The following DPP6 variants were observed in gnomAD, a reference collection of about 807,000 sequenced individuals.
DPP6 encodes dipeptidyl peptidase like 6.
Under a neutral mutation model 122.6 loss-of-function variants are expected in DPP6, and 69 were observed. The observed-to-expected ratio is 0.56, with a 90% confidence interval of 0.46 to 0.69. The LOEUF (loss-of-function observed/expected upper bound fraction) is 0.69, where lower values mean the gene tolerates loss of function less well. Ranked by LOEUF, DPP6 falls within the 30% of genes least tolerant of loss-of-function variation. The pLI, the probability that DPP6 is intolerant of heterozygous loss-of-function variation, is 0.00. For missense variants in DPP6, 928 were observed against 1,116.9 expected, an observed-to-expected ratio of 0.83 and a Z score of 2.41; for synonymous variants, 418 against 433.1, an observed-to-expected ratio of 0.97 and a Z score of 0.43.
intron 1 of DPP6, among the ~76,000 whole-genome samples, chr7:154,209,283 T>A (rs1339614157): frequency 6.6e-6 from 1 of 152,214 alleles, no homozygotes; most frequent in East Asian, 1.9e-4. Context: ...ATATTTATCC[T>A]CCTTCTCTTT....
chr7:153,757,133 A>C, the DPP6 span, among the ~76,000 whole-genome samples: 1 of 152,192 alleles, frequency 6.6e-6, no homozygotes, highest in African/African-American at 2.4e-5. Context: ...GAGATGGAGG[A>C]AGTTATGTAA....
chr7:154,779,107 C>CAT (rs1563201407), intron 10 of DPP6, among the ~76,000 whole-genome samples: 2 of 72,210 alleles, frequency 2.8e-5, no homozygotes, highest in Non-Finnish European at 3.0e-5. Flanking sequence ...CCACCACCAC[C>CAT]CCCACCATCA....
At chr7:154,593,059 C>T (rs1412350560) in intron 5 of DPP6, among the ~76,000 whole-genome samples, 1 of 152,164 alleles carries the variant, frequency 6.6e-6, no homozygotes, top group Admixed American at 6.5e-5. Context: ...TGGGAAGGAA[C>T]ACAGGCCATC....
chr7:154,488,431 TGATAGAGC>T (rs1385577150), intron 3 of DPP6, among the ~76,000 whole-genome samples: 1 of 151,482 alleles, frequency 6.6e-6, no homozygotes, highest in African/African-American at 2.4e-5. Flanking sequence ...CCTGGGTGAT[TGATAGAGC>T]GAGACTCTGT....
chr7:154,545,378 C>A (rs1178172605), intron 4 of DPP6, among the ~76,000 whole-genome samples: 1 of 151,926 alleles, frequency 6.6e-6, no homozygotes, highest in Non-Finnish European at 1.5e-5. Context: ...TTCCTAAAGT[C>A]CTCATGAATT....
chr7:154,855,587 A>AC (rs1484475589), intron 17 of DPP6, among the ~76,000 whole-genome samples: 1 of 151,856 alleles, frequency 6.6e-6, no homozygotes, highest in Admixed American at 6.6e-5. Flanking sequence ...TGGGTCTCTC[A>AC]CCTCCCCACT....
chr7:154,593,497 T>G (rs1832920721), intron 5 of DPP6, among the ~76,000 whole-genome samples: 1 of 152,242 alleles, frequency 6.6e-6, no homozygotes, highest in African/African-American at 2.4e-5. Flanking sequence ...GATGTTGGAC[T>G]ATTGATTATC....
chr7:154,610,059 G>A (rs1034216527), intron 5 of DPP6, among the ~76,000 whole-genome samples: 23 of 152,060 alleles, frequency 1.5e-4, no homozygotes, highest in African/African-American at 5.6e-4. Flanking sequence ...TGTTGTATGC[G>A]GTGTGTTAGA....
rs73165063 is a variant in DPP6 at position 154,652,290 on chromosome 7, C to A, written c.680+14417C>A. Among the ~76,000 whole-genome samples the A allele has an allele frequency of 1.2e-3, 176 of 151,750 alleles. 1 individual carries two copies. Among genetic ancestry groups the A allele is most frequent in the Admixed American group, 2.3e-3 (35 of 15,238 alleles). On this transcript the variant is annotated intron_variant, in intron 6 of 25. Coordinates refer to ENST00000377770, the MANE Select transcript of DPP6 (RefSeq NM_130797.4). ...TTTTTTTTTTCCTATACTGTACATT[C>A]TTTTGTGCTTTCTAATTTATTACTT...
At chr7:154,383,130 A>G (rs1001865041) in intron 1 of DPP6, among the ~76,000 whole-genome samples, 3 of 152,226 alleles carry the variant, frequency 2.0e-5, no homozygotes, top group African/African-American at 4.8e-5. Context: ...AAGGTGGAAC[A>G]TAATTCACAG....
At chr7:153,911,389 A>C (rs1186544224) in intron 1 of DPP6, among the ~76,000 whole-genome samples, 1 of 152,168 alleles carries the variant, frequency 6.6e-6, no homozygotes, top group Non-Finnish European at 1.5e-5. Context: ...ATTGGTTGGC[A>C]TGACTATTAT....
At chr7:154,015,192 G>C (rs1390793707) in intron 1 of DPP6, among the ~76,000 whole-genome samples, 2 of 151,922 alleles carry the variant, frequency 1.3e-5, no homozygotes, top group Non-Finnish European at 1.5e-5. Flanking sequence ...TTTCAGCCAC[G>C]TTTGATGTAG....
At chr7:153,932,922 G>A (rs997444896) in intron 1 of DPP6, among the ~76,000 whole-genome samples, 1 of 152,098 alleles carries the variant, frequency 6.6e-6, no homozygotes, top group Non-Finnish European at 1.5e-5. Flanking sequence ...TGAATCCTGG[G>A]GGCAGATTTT....
chr7:153,907,185 A>G lies in DPP6; in HGVS notation c.51+19451A>G, dbSNP rs558671549. On this transcript the variant is annotated intron_variant, in intron 1 of 25. Coordinates refer to the DPP6 transcript ENST00000404039. Reference sequence around the variant, plus strand: ...CATCTGTTGTTTTTTTGACTTTCAAATAATGGCTTTCTGAGTGCTGTAAGA... The same window carrying G: ...CATCTGTTGTTTTTTTGACTTTCAAGTAATGGCTTTCTGAGTGCTGTAAGA... 3.9e-5 allele frequency among the ~76,000 whole-genome samples: 6 copies of G among 152,314 alleles called. No homozygotes were observed. In the East Asian group the frequency reaches 1.2e-3, roughly 29 times the overall value.
chr7:154,593,481 C>T (rs1036806540), intron 5 of DPP6, among the ~76,000 whole-genome samples: 2 of 152,208 alleles, frequency 1.3e-5, no homozygotes, highest in Non-Finnish European at 2.9e-5. Context: ...GAATTGGCCT[C>T]ACTTGGATGT....
chr7:154,463,487 G>A (rs917538914), intron 2 of DPP6, among the ~76,000 whole-genome samples: 41 of 152,040 alleles, frequency 2.7e-4, no homozygotes, highest in Admixed American at 1.1e-3. Flanking sequence ...GATTACAGGC[G>A]TGAGCCACCG....
intron 1 of DPP6, among the ~76,000 whole-genome samples, chr7:154,429,316 C>A (rs759828732): frequency 1.3e-5 from 2 of 152,232 alleles, no homozygotes; most frequent in Non-Finnish European, 2.9e-5. Flanking sequence ...GCTCCTCTGA[C>A]CACCTAGCTT....
rs560285403 is a variant in DPP6 at position 154,010,559 on chromosome 7, A to G, written c.51+122825A>G. 6.6e-4 allele frequency among the ~76,000 whole-genome samples: 100 copies of G among 152,364 alleles called. 1 individual carries two copies. Among genetic ancestry groups the G allele is most frequent in the Middle Eastern group, 3.4e-3 (1 of 294 alleles). On this transcript the variant is annotated intron_variant, in intron 1 of 25. Transcript: ENST00000404039. ...GTCAATATTTTGTTTTAAACTACAAAATAAAACACAGGATTAGGTTTTGTT... is the reference window on the plus strand; with the variant it reads ...GTCAATATTTTGTTTTAAACTACAAGATAAAACACAGGATTAGGTTTTGTT...
chr7:154,014,655 CTG>C (rs1453271964), intron 1 of DPP6, among the ~76,000 whole-genome samples: 1 of 151,450 alleles, frequency 6.6e-6, no homozygotes, highest in Admixed American at 6.6e-5. Flanking sequence ...GAGTGAGACT[CTG>C]TGTCAAAAAA....
Sources: allele counts gnomAD v4.1 joint callset (sites outside exome capture counted in the v4.1 genomes callset), GRCh38; gene constraint gnomAD v4.1.1; transcripts MANE v1.5; gene names NCBI Gene and HGNC (gene_info 2026-07-23, HGNC 2026-07-21).